Variants in RANBP17 observed in about 807,000 individuals in gnomAD.
RANBP17 encodes RAN binding protein 17, also known as ran-binding protein 17.
A neutral mutation model predicts 141.2 loss-of-function variants in RANBP17; 158 were observed. That is an observed-to-expected ratio of 1.12 (90% CI 0.98 to 1.28). The LOEUF is 1.28. Ranked by LOEUF, RANBP17 falls within the 50% of genes most tolerant of loss-of-function variation. The pLI is 0.00. For synonymous variants in RANBP17, 430 were observed against 450.0 expected, an observed-to-expected ratio of 0.96 and a Z score of 0.56; for missense variants, 1,438 against 1,290.7, an observed-to-expected ratio of 1.11 and a Z score of -1.75.
intron 14 of RANBP17, among the ~76,000 whole-genome samples, chr5:171,149,098 T>C (rs1255404329): frequency 6.6e-6 from 1 of 152,208 alleles, no homozygotes; most frequent in African/African-American, 2.4e-5. Context: ...TATCTAACTT[T>C]ACCTACTGTC....
intron 14 of RANBP17, among the ~76,000 whole-genome samples, chr5:171,146,179 A>G (rs1355290405): frequency 2.0e-5 from 3 of 152,170 alleles, no homozygotes; most frequent in Admixed American, 2.0e-4. Flanking sequence ...TAAAGACCTA[A>G]TTTATCTTCT....
chr5:171,047,130 G>T (rs1782643386), intron 14 of RANBP17, among the ~76,000 whole-genome samples: 1 of 143,422 alleles, frequency 7.0e-6, no homozygotes, highest in South Asian at 2.2e-4. Context: ...TGATTCTCCT[G>T]CTTCACTTCC....
chr5:170,911,170 T>G, intron 7 of RANBP17, 36 bp downstream of exon 7: 1 of 1,579,132 alleles, frequency 6.3e-7, no homozygotes, highest in Non-Finnish European at 8.7e-7. Flanking sequence ...GTCATCAACA[T>G]AAAGGCACAG....
chr5:171,190,408 A>G lies in RANBP17; in HGVS notation c.2038+6978A>G. Among the ~76,000 whole-genome samples the G allele has an allele frequency of 1.3e-5, 2 of 152,206 alleles. 1 individual carries two copies. ...GACAAAATGTTCACTTGCATAAAGAACAGAATTGAAAGCATTTCATCATTA... is the reference window on the plus strand; with the variant it reads ...GACAAAATGTTCACTTGCATAAAGAGCAGAATTGAAAGCATTTCATCATTA... On this transcript the variant is annotated intron_variant, in intron 18 of 27. Transcript: ENST00000523189.
At chr5:171,257,254 G>A (rs1389677639) in intron 24 of RANBP17, among the ~76,000 whole-genome samples, 1 of 152,182 alleles carries the variant, frequency 6.6e-6, no homozygotes, top group Non-Finnish European at 1.5e-5. Context: ...CGTTAATTCA[G>A]TGTACACAAA....
intron 14 of RANBP17, among the ~76,000 whole-genome samples, chr5:171,052,872 G>A (rs1783045188): frequency 6.6e-6 from 1 of 151,942 alleles, no homozygotes; most frequent in African/African-American, 2.4e-5. Context: ...CTTTTTTTGA[G>A]ATGGAGTTTC....
intron 25 of RANBP17, among the ~76,000 whole-genome samples, chr5:171,287,836 G>A (rs1768266192): frequency 6.6e-6 from 1 of 152,026 alleles, no homozygotes; most frequent in African/African-American, 2.4e-5. Context: ...AGCCAGGCTG[G>A]ACCAGGGTTC....
Position 171,069,806 on chromosome 5 carries a change from A to G in RANBP17, c.1711-100324A>G, listed in dbSNP as rs1452069190. 2.0e-5 allele frequency among the ~76,000 whole-genome samples: 3 copies of G among 152,288 alleles called. No homozygotes were observed. The South Asian group carries it at 6.2e-4, about 32-fold the overall frequency. On this transcript the variant is annotated intron_variant, in intron 14 of 27. Transcript: ENST00000523189. ...AGGATGTAACCCCATCATAAGTCAA[A>G]GAGCATCTGTAAAGACAAAGTACTT...
At chr5:170,942,966 G>A (rs1019047174) in intron 12 of RANBP17, among the ~76,000 whole-genome samples, 2 of 152,126 alleles carry the variant, frequency 1.3e-5, no homozygotes, top group South Asian at 2.1e-4. Flanking sequence ...AACCGAAGGA[G>A]TTTTTATAGT....
At chr5:170,914,083 T>C (rs546567282) in intron 7 of RANBP17, 84 bp from the exon 8 acceptor site, 14 of 894,096 alleles carry the variant, frequency 1.6e-5, no homozygotes, top group Non-Finnish European at 1.5e-5. Context: ...GGCCTTGGAT[T>C]TCTCAGTTTG....
chr5:171,256,935 A>G (rs1404380895), intron 24 of RANBP17, among the ~76,000 whole-genome samples: 1 of 152,206 alleles, frequency 6.6e-6, no homozygotes, highest in Non-Finnish European at 1.5e-5. Context: ...AATCCCAGCA[A>G]AAAAACTCAA....
intron 14 of RANBP17, among the ~76,000 whole-genome samples, chr5:171,090,269 A>G (rs564943133): frequency 3.3e-5 from 5 of 152,284 alleles, no homozygotes; most frequent in African/African-American, 1.2e-4. Context: ...TGGGAACTGG[A>G]GCAAAGGTGA....
In RANBP17 at chr5:170,881,871, A is replaced by C; in HGVS notation, c.231A>C (p.Leu77Phe). ...LSKLVSRVSP[L>F]PVEQRMDIRN... is the part of the protein sequence containing the mutation. The stretch of plus-strand genomic sequence containing the variant: ...AACTTGTCAGCCGAGTCAGTCCTTT[A>C]CCTGTTGAGCAGAGGATGGACATCA... Residue 77 changes from leucine to phenylalanine, a missense_variant, in exon 3 of 28, where the codon TTA (leucine) becomes TTC (phenylalanine). Leu to Phe is a conservative substitution (Grantham distance 22). Transcript: ENST00000523189. 6.2e-7 allele frequency: 1 copy of C among 1,608,914 alleles called. No homozygotes were observed. The highest frequency in any genetic ancestry group is 8.5e-7 in the Non-Finnish European group (1 of 1,177,224).
At chr5:171,143,326 C>G (rs986539956) in intron 14 of RANBP17, 1 of 152,172 alleles carries the variant, frequency 6.6e-6, no homozygotes, top group Non-Finnish European at 1.5e-5. Flanking sequence ...AATATATAGT[C>G]TAGTAGTTTT....
At chr5:170,954,414 A>G (rs1266459138) in intron 13 of RANBP17, among the ~76,000 whole-genome samples, 1 of 152,030 alleles carries the variant, frequency 6.6e-6, no homozygotes, top group Non-Finnish European at 1.5e-5. Flanking sequence ...ACAATGTAAG[A>G]TGGAGCTAAT....
At chr5:170,894,008 T>C (rs1007205509) in intron 4 of RANBP17, among the ~76,000 whole-genome samples, 1 of 152,160 alleles carries the variant, frequency 6.6e-6, no homozygotes, top group Non-Finnish European at 1.5e-5. Flanking sequence ...GAATATGAAA[T>C]GCTAGGTTAT....
intron 14 of RANBP17, among the ~76,000 whole-genome samples, chr5:171,079,598 AT>A (rs1426854349): frequency 1.3e-5 from 2 of 152,354 alleles, no homozygotes; most frequent in South Asian, 4.1e-4. Context: ...TACCACCCTT[AT>A]CGGTCAGAAG....
chr5:170,894,553 G>A (rs1384523302), intron 4 of RANBP17, among the ~76,000 whole-genome samples: 1 of 147,496 alleles, frequency 6.8e-6, no homozygotes, highest in African/African-American at 2.5e-5. Flanking sequence ...TTTGGCTTTA[G>A]TGTTTTAGTT....
At chr5:171,126,394 A>G (rs776823276) in intron 14 of RANBP17, among the ~76,000 whole-genome samples, 10 of 152,186 alleles carry the variant, frequency 6.6e-5, no homozygotes, top group Non-Finnish European at 1.3e-4. Flanking sequence ...AAACAACCAA[A>G]TGATGCACAT....
Sources: allele counts gnomAD v4.1 joint callset (sites outside exome capture counted in the v4.1 genomes callset), GRCh38; gene constraint gnomAD v4.1.1; transcripts MANE v1.5; gene names NCBI Gene and HGNC (gene_info 2026-07-23, HGNC 2026-07-21).